RAVER1: variants seen among roughly 807,000 people sequenced by gnomAD.
RAVER1 encodes ribonucleoprotein, PTB binding 1.
In RAVER1, 36 loss-of-function variants were observed where a neutral mutation model predicts 68.4. That is an observed-to-expected ratio of 0.53 (90% CI 0.40 to 0.70). RAVER1 has a LOEUF of 0.70. Ranked by LOEUF, RAVER1 falls within the 30% of genes least tolerant of loss-of-function variation. RAVER1 has a pLI of 0.00. For synonymous variants in RAVER1, 469 were observed against 472.7 expected (o/e 0.99, Z 0.10); for missense variants, 933 against 1,019.8 (o/e 0.91, Z 1.16).
chr19:10,323,529 G>T lies in RAVER1; in HGVS notation c.794C>A (p.Ala265Glu). The T allele has an allele frequency of 6.2e-7, 1 of 1,604,084 alleles. No homozygotes were observed. The change falls in exon 4 of 13, where the codon GCG becomes GAG. Residue 265 changes from alanine (A) to glutamate (E), a missense_variant. Physicochemically the swap from Ala to Glu is moderately radical, Grantham distance 107. This residue lies in a region of RAVER1 where 699 missense variants were observed against 731.1 expected (regional missense o/e 0.96). Coordinates refer to ENST00000617231, the MANE Select transcript of RAVER1 (RefSeq NM_133452.3). This position sits in a 1 kb window ranked among gnomAD's most constrained non-coding sequence, Gnocchi z 6.2. ...CTCAGCCGTCTCATACTCCAGCACC[G>T]CGAAGCCCTTCAGCTGCCCATCCTG... is the stretch of plus-strand genomic sequence containing the variant. The part of the protein sequence containing the change: ...CGQDGQLKGF[A>E]VLEYETAEMA...
intron 1 of RAVER1, among the ~76,000 whole-genome samples, chr19:10,332,517 G>A (rs540646657): frequency 6.6e-6 from 1 of 152,178 alleles, no homozygotes; most frequent in Non-Finnish European, 1.5e-5. Context: ...GTGCCCACCC[G>A]GTGTGCTGGT....
chr19:10,328,613 T>C lies in RAVER1; in HGVS notation c.756+29A>G, dbSNP rs1452595468. On this transcript the variant is annotated intron_variant, in intron 3 of 12. Coordinates refer to ENST00000617231, the MANE Select transcript of RAVER1 (RefSeq NM_133452.3). This position sits in a 1 kb window ranked among gnomAD's most constrained non-coding sequence, Gnocchi z 4.4. The stretch of plus-strand genomic sequence containing the variant: ...TCTCAGGTGCTCCGGGCCTGGCACC[T>C]GCTCCCCAATGCTCTCCACAGGGCT... 3.4e-6 allele frequency: 5 copies of C among 1,472,826 alleles called. No homozygotes were observed. The African/African-American group carries it at 5.6e-5, about 17-fold the overall frequency. 91.2% of individuals were successfully genotyped at this position (1,472,826 alleles called of 1,614,324 possible).
chr19:10,321,886 C>G (rs1014955115), intron 6 of RAVER1: 27 of 298,276 alleles, frequency 9.1e-5, no homozygotes, highest in African/African-American at 5.6e-4. Context: ...TGGAATGGGA[C>G]AGCCACACAG....
In RAVER1 at chr19:10,328,835, C is replaced by G; in HGVS notation, c.563G>C (p.Arg188Pro). ...AEYMKKDSAA[R>P]AKSDLLGKPL... ...CTTGCCCAGCAGGTCCGACTTGGCACGGGCAGCCGAGTCCTTCTTCATGTA... is the reference window on the plus strand; with the variant it reads ...CTTGCCCAGCAGGTCCGACTTGGCAGGGGCAGCCGAGTCCTTCTTCATGTA... The change falls in exon 3 of 13, where the codon CGT (arginine) becomes CCT (proline). Residue 188 changes from arginine (R) to proline (P), a missense_variant. Transcript: ENST00000617231. The surrounding 1 kb of genome is among the most constrained non-coding windows in gnomAD (Gnocchi z 4.4). 1 of 1,613,032 alleles carries G rather than the reference C, an allele frequency of 6.2e-7. No homozygotes were observed. Among genetic ancestry groups the G allele is most frequent in the Non-Finnish European group, 8.5e-7 (1 of 1,179,812 alleles).
Position 10,316,317 on chromosome 19 carries a change from C to G in RAVER1, c.*1137G>C. 1 of 1,164,566 alleles carries G rather than the reference C, an allele frequency of 8.6e-7. No individual in the cohort carries two copies. Among genetic ancestry groups the G allele is most frequent in the Non-Finnish European group, 1.1e-6 (1 of 942,298 alleles). The allele number at this position is 1,164,566 out of a possible 1,614,324, so 72.1% of individuals were successfully genotyped here. On this transcript the variant is annotated 3_prime_UTR_variant, in exon 13 of 13. Coordinates refer to ENST00000617231, the MANE Select transcript of RAVER1 (RefSeq NM_133452.3). ...TCCCCTTGGAGTGGATGTGGACCCC[C>G]AGAGTCAAGGGAGGGAAGCTGGTGG...
rs2040490679 is a variant in RAVER1 at position 10,328,557 on chromosome 19, AAAAAG to A, written c.756+80_756+84del. 2.1e-6 allele frequency: 2 copies of A among 952,420 alleles called. No homozygotes were observed. The highest frequency in any genetic ancestry group is 2.9e-5 in the Admixed American group (1 of 35,010). 59.0% of individuals were successfully genotyped at this position (952,420 alleles called of 1,614,324 possible). A position where few individuals can be genotyped will look rare whatever the true frequency, so the allele number is the denominator to read the frequency against. ...ACAAAGTGAGACTGTCTCAAAAAAA[AAAAAG>A]AAAAGGCAGATGACTCCAAAGACTC... On this transcript the variant is annotated intron_variant, in intron 3 of 12. Transcript: ENST00000617231. The surrounding 1 kb of genome is among the most constrained non-coding windows in gnomAD (Gnocchi z 4.4).
intron 6 of RAVER1, chr19:10,321,898 G>A (rs2040440405): frequency 3.6e-6 from 1 of 276,176 alleles, no homozygotes; most frequent in East Asian, 6.0e-5. Context: ...GCCACACAGT[G>A]TTTCAGCCAC....
chr19:10,317,846 A>G lies in RAVER1; in HGVS notation c.1990-73T>C. ...GAAGCACCCACCCCGCCCCCCTGCCACTGCCCCCCAGCCCTGAGGGAAAGC... is the reference window on the plus strand; with the variant it reads ...GAAGCACCCACCCCGCCCCCCTGCCGCTGCCCCCCAGCCCTGAGGGAAAGC... On this transcript the variant is annotated intron_variant, in intron 11 of 12. Transcript: ENST00000617231. This position sits in a 1 kb window ranked among gnomAD's most constrained non-coding sequence, Gnocchi z 4.3. The G allele has an allele frequency of 1.3e-6, 1 of 785,430 alleles. No homozygotes were observed. The highest frequency in any genetic ancestry group is 1.5e-5 in the South Asian group (1 of 67,590). The allele number at this position is 785,430 out of a possible 1,614,324, so 48.7% of individuals were successfully genotyped here.
intron 9 of RAVER1, among the ~76,000 whole-genome samples, chr19:10,319,792 A>G (rs2040420312): frequency 1.0e-5 from 1 of 95,570 alleles, no homozygotes; most frequent in African/African-American, 3.5e-5. Flanking sequence ...TTTATATTAT[A>G]TATGAAATAT....
chr19:10,327,581 G>A (rs2040484201), intron 3 of RAVER1, among the ~76,000 whole-genome samples: 2 of 152,122 alleles, frequency 1.3e-5, no homozygotes, highest in South Asian at 4.1e-4. Context: ...CCTCTGCACT[G>A]GCCTCCGCTC....
chr19:10,323,649 C>T lies in RAVER1; in HGVS notation c.757-83G>A, dbSNP rs985828054. On this transcript the variant is annotated intron_variant, in intron 3 of 12. Coordinates refer to ENST00000617231, the MANE Select transcript of RAVER1 (RefSeq NM_133452.3). The surrounding 1 kb of genome is among the most constrained non-coding windows in gnomAD (Gnocchi z 6.2). ...GGGAAGTGACAACCGTAACCAGACT[C>T]AGCTGCCCCATAAGGGTGAACTCCA... The T allele has an allele frequency of 1.4e-6, 2 of 1,433,898 alleles. No homozygotes were observed. Among genetic ancestry groups the T allele is most frequent in the Non-Finnish European group, 1.9e-6 (2 of 1,069,650 alleles). The allele number at this position is 1,433,898 out of a possible 1,614,324, so 88.8% of individuals were successfully genotyped here. A position where few individuals can be genotyped will look rare whatever the true frequency, so the allele number is the denominator to read the frequency against.
Position 10,321,127 on chromosome 19 carries a change from G to A in RAVER1, c.1394C>T (p.Pro465Leu). 7.6e-7 allele frequency: 1 copy of A among 1,308,220 alleles called. No individual in the cohort carries two copies. The highest frequency in any genetic ancestry group is 9.7e-7 in the Non-Finnish European group (1 of 1,028,870). The allele number at this position is 1,308,220 out of a possible 1,614,324, so 81.0% of individuals were successfully genotyped here. The change falls in exon 8 of 13, where the codon CCC (proline) becomes CTC (leucine). Residue 465 changes from proline to leucine, a missense_variant. This residue lies in a region of RAVER1 where 699 missense variants were observed against 731.1 expected (regional missense o/e 0.96). Coordinates refer to ENST00000617231, the MANE Select transcript of RAVER1 (RefSeq NM_133452.3). ...LGPPAAQLTP[P>L]PAPVGLRGSG... The stretch of plus-strand genomic sequence containing the variant: ...GCCTCGGAGCCCCACAGGGGCGGGG[G>A]GAGGAGTGAGCTGGGCCGCTGGGGG...
At position 10,329,752 on chromosome 19, in the gene RAVER1, C is replaced by T. The variant is rs1392331689; in HGVS notation, c.287-641G>A. On this transcript the variant is annotated intron_variant, in intron 2 of 12. Transcript: ENST00000617231. This position sits in a 1 kb window ranked among gnomAD's most constrained non-coding sequence, Gnocchi z 4.6. ...AGCTTTGTTCAAAACGATCACGCCACATCCATCTTGTGGCTTCTAGCTGCA... is the reference window on the plus strand; with the variant it reads ...AGCTTTGTTCAAAACGATCACGCCATATCCATCTTGTGGCTTCTAGCTGCA... 6.6e-6 allele frequency among the ~76,000 whole-genome samples: 1 copy of T among 152,200 alleles called. No individual in the cohort carries two copies.
At position 10,321,203 on chromosome 19, in the gene RAVER1, G is replaced by A; in HGVS notation, c.1318C>T (p.Pro440Ser). The change falls in exon 8 of 13, where the codon CCA (proline) becomes TCA (serine). Residue 440 changes from proline to serine, a missense_variant. Coordinates refer to ENST00000617231, the MANE Select transcript of RAVER1 (RefSeq NM_133452.3). Reference sequence around the variant, plus strand: ...CCCCCAGCAGGGCCAAGCACGGATGGCAGCAGGGGTGGTGGCTTCCCTCGC... The same window carrying A: ...CCCCCAGCAGGGCCAAGCACGGATGACAGCAGGGGTGGTGGCTTCCCTCGC... ...PRRGKPPPLL[P>S]SVLGPAGGDR... 7.8e-7 allele frequency: 1 copy of A among 1,276,702 alleles called. No individual in the cohort carries two copies. The allele number at this position is 1,276,702 out of a possible 1,614,324, so 79.1% of individuals were successfully genotyped here.
rs189095991 is a variant in RAVER1, at chr19:10,321,272, G to C, written c.1262-13C>G. Reference sequence around the variant, plus strand: ...GGCAGGCCCCCTCCTAGGGAGGGAAGGAGGATTTCAGGGGCCCAGGCTCAC... The same window carrying C: ...GGCAGGCCCCCTCCTAGGGAGGGAACGAGGATTTCAGGGGCCCAGGCTCAC... On this transcript the variant is annotated splice_polypyrimidine_tract_variant and intron_variant, in intron 7 of 12. Coordinates refer to ENST00000617231, the MANE Select transcript of RAVER1 (RefSeq NM_133452.3). 50 of 1,247,522 alleles carry C rather than the reference G, an allele frequency of 4.0e-5. 2 individuals carry two copies. The Admixed American group carries it at 1.8e-3, about 46-fold the overall frequency. 77.3% of individuals were successfully genotyped at this position (1,247,522 alleles called of 1,614,324 possible). A position where few individuals can be genotyped will look rare whatever the true frequency, so the allele number is the denominator to read the frequency against.
rs777398037 is a variant in RAVER1 at position 10,329,845 on chromosome 19, G to A, written c.286+615C>T. On this transcript the variant is annotated intron_variant, in intron 2 of 12. Coordinates refer to ENST00000617231, the MANE Select transcript of RAVER1 (RefSeq NM_133452.3). The surrounding 1 kb of genome is among the most constrained non-coding windows in gnomAD (Gnocchi z 4.6). ...ATCTCACCGCTGCCACCCGGACCAC[G>A]CCAGGCACACTCCAGAGGGGCCTTT... Among the ~76,000 whole-genome samples the A allele has an allele frequency of 1.4e-4, 22 of 151,978 alleles. No individual in the cohort carries two copies. The highest frequency in any genetic ancestry group is 2.6e-4 in the Non-Finnish European group (18 of 67,992).
chr19:10,330,639 T>C, intron 1 of RAVER1, 113 bp from the exon 2 acceptor site: 1 of 626,434 alleles, frequency 1.6e-6, no homozygotes, highest in Non-Finnish European at 2.9e-6. Context: ...CACCCCCCAT[T>C]TTACCAATGA....
chr19:10,319,848 C>G (rs2040420903), intron 9 of RAVER1, among the ~76,000 whole-genome samples: 1 of 151,262 alleles, frequency 6.6e-6, no homozygotes, highest in Admixed American at 6.6e-5. Context: ...CCATGTTGGT[C>G]AGGCTGGTCT....
Position 10,317,634 on chromosome 19 carries a change from G to A in RAVER1, c.2074-34C>T. ...AGAGGGCAGGGCGGGGCGGGTCAGG[G>A]GCCGCTGGGGGGCCGGGGCTTCCCA... On this transcript the variant is annotated intron_variant, in intron 12 of 12. Transcript: ENST00000617231. This position sits in a 1 kb window ranked among gnomAD's most constrained non-coding sequence, Gnocchi z 4.3. 6.4e-7 allele frequency: 1 copy of A among 1,553,180 alleles called. No individual in the cohort carries two copies. Among genetic ancestry groups the A allele is most frequent in the Non-Finnish European group, 8.7e-7 (1 of 1,143,684 alleles).
Sources: gnomAD v4.1 joint callset for allele counts (sites outside exome capture counted in the v4.1 genomes callset) on GRCh38, gnomAD v4.1.1 for gene constraint, gnomAD v4.1.1 regional missense constraint, Gnocchi (gnomAD v3.1) non-coding constraint, MANE v1.5 for transcripts, NCBI Gene and HGNC (gene_info 2026-07-23, HGNC 2026-07-21) for gene names.